Variants in USP6NL observed in about 807,000 individuals in gnomAD.
USP6NL encodes USP6 N-terminal like.
USP6NL carries 26 observed loss-of-function variants against 61.9 expected under a neutral mutation model. The ratio of observed to expected loss-of-function variants is 0.42; its 90% CI spans 0.31 to 0.58. The LOEUF (loss-of-function observed/expected upper bound fraction) is 0.58. Among genes scored for constraint, USP6NL ranks in the 20% least tolerant of loss-of-function variants. USP6NL has a pLI of 0.16. For missense variants in USP6NL, 1,114 were observed against 1,034.3 expected, an observed-to-expected ratio of 1.08 and a Z score of -1.06; for synonymous variants, 432 against 390.1, an observed-to-expected ratio of 1.11 and a Z score of -1.27.
chr10:11,480,729 T>C (rs1159701993), intron 14 of USP6NL, among the ~76,000 whole-genome samples: 1 of 152,232 alleles, frequency 6.6e-6, no homozygotes, highest in Non-Finnish European at 1.5e-5. Context: ...CTTGTCCTTC[T>C]GTACAGACAC....
intron 1 of USP6NL, among the ~76,000 whole-genome samples, chr10:11,606,242 T>C (rs114193462): frequency 0.012 from 1,871 of 152,334 alleles, 39 homozygotes; most frequent in African/African-American, 0.04. Context: ...TCTAGAATTC[T>C]ACATCCAGCA....
rs187655900 is a variant in USP6NL at position 11,526,368 on chromosome 10, T to C, written c.73-900A>G. 3.0e-3 allele frequency among the ~76,000 whole-genome samples: 454 copies of C among 152,252 alleles called. 1 individual carries two copies. The highest frequency in any genetic ancestry group is 0.01 in the African/African-American group (417 of 41,526). ...CTGGGAGCATCCTGTAGGCAAGGGC[T>C]GCTGCCACTCCTGTCTATGAATCCC... On this transcript the variant is annotated intron_variant, in intron 3 of 14. Transcript: ENST00000609104.
rs1423611707 is a variant in USP6NL, at chr10:11,481,632, G to A, written c.1078+138C>T. 9.2e-6 allele frequency: 8 copies of A among 870,798 alleles called. No homozygotes were observed. Among genetic ancestry groups the A allele is most frequent in the Non-Finnish European group, 1.3e-5 (8 of 633,452 alleles). The allele number at this position is 870,798 out of a possible 1,614,324, so 53.9% of individuals were successfully genotyped here. A position where few individuals can be genotyped will look rare whatever the true frequency, so the allele number is the denominator to read the frequency against. ...ATAAGGAAAAAGCCAAAGCAGCTGAGCTGGTAAGGCATTCATCCACATTAT... is the reference window on the plus strand; with the variant it reads ...ATAAGGAAAAAGCCAAAGCAGCTGAACTGGTAAGGCATTCATCCACATTAT... On this transcript the variant is annotated intron_variant, in intron 14 of 14. Coordinates refer to ENST00000609104, the MANE Select transcript of USP6NL (RefSeq NM_014688.5). This position sits in a 1 kb window ranked among gnomAD's most constrained non-coding sequence, Gnocchi z 4.4.
intron 2 of USP6NL, among the ~76,000 whole-genome samples, chr10:11,552,513 C>T (rs1222596221): frequency 6.6e-5 from 10 of 152,178 alleles, no homozygotes. Context: ...TGAAATCCTG[C>T]CTACGGATAG....
chr10:11,509,417 C>A (rs529523594), intron 6 of USP6NL, among the ~76,000 whole-genome samples, 178 bp downstream of exon 6: 8 of 152,300 alleles, frequency 5.3e-5, no homozygotes, highest in African/African-American at 1.9e-4. Flanking sequence ...CAATCCGAAT[C>A]GGGTATTACG....
At chr10:11,541,265 A>G (rs1253467274) in intron 2 of USP6NL, among the ~76,000 whole-genome samples, 12 of 133,326 alleles carry the variant, frequency 9.0e-5, no homozygotes, top group South Asian at 4.9e-4. Context: ...ATATATATAT[A>G]TATATATATA....
rs190613282 is a variant in USP6NL, at chr10:11,562,526, T to C, written c.5-34959A>G. ...AAAAGAGCCGGGTCACTCAAGACAT[T>C]GCTTGGCCACTGTGACTACTCTGAG... On this transcript the variant is annotated intron_variant, in intron 2 of 14. Transcript: ENST00000609104. The surrounding 1 kb of genome is among the most constrained non-coding windows in gnomAD (Gnocchi z 4.8). The C allele has an allele frequency of 1.6e-4, 161 of 985,388 alleles. 1 individual carries two copies. In the African/African-American group the frequency reaches 2.6e-3, roughly 16 times the overall value. The allele number at this position is 985,388 out of a possible 1,614,324, so 61.0% of individuals were successfully genotyped here. A position where few individuals can be genotyped will look rare whatever the true frequency, so the allele number is the denominator to read the frequency against.
At chr10:11,497,236 C>T (rs1591844903) in intron 7 of USP6NL, among the ~76,000 whole-genome samples, 1 of 149,418 alleles carries the variant, frequency 6.7e-6, no homozygotes, top group Admixed American at 6.7e-5. Flanking sequence ...GGTGAAACCC[C>T]GTCTCTACTA....
At position 11,557,715 on chromosome 10, in the gene USP6NL, T is replaced by C. The variant is rs542399049; in HGVS notation, c.5-30148A>G. On this transcript the variant is annotated intron_variant, in intron 2 of 14. Coordinates refer to ENST00000609104, the MANE Select transcript of USP6NL (RefSeq NM_014688.5). ...CGAGTGCATGAGAGCACAGAGACTC[T>C]AGTGCATGAGGAAAGAGGGTGGTGC... is the stretch of plus-strand genomic sequence containing the variant. Among the ~76,000 whole-genome samples the C allele has an allele frequency of 4.1e-4, 63 of 152,238 alleles. 1 individual carries two copies. The South Asian group carries it at 0.011, about 26-fold the overall frequency.
In USP6NL at chr10:11,470,409, C is replaced by T. The variant is rs1832686641; in HGVS notation, c.1079-6560G>A. On this transcript the variant is annotated intron_variant, in intron 14 of 14. Coordinates refer to ENST00000609104, the MANE Select transcript of USP6NL (RefSeq NM_014688.5). This position sits in a 1 kb window ranked among gnomAD's most constrained non-coding sequence, Gnocchi z 5.4. ...ATGAAGAGGAAAATCTCCTTGACTTCATTACAGAGGCGGTTCCTTTCTAGA... is the reference window on the plus strand; with the variant it reads ...ATGAAGAGGAAAATCTCCTTGACTTTATTACAGAGGCGGTTCCTTTCTAGA... Among the ~76,000 whole-genome samples, 1 of 152,214 alleles carries T rather than the reference C, an allele frequency of 6.6e-6. No homozygotes were observed. Among genetic ancestry groups the T allele is most frequent in the Non-Finnish European group, 1.5e-5 (1 of 68,030 alleles).
rs563692696 is a variant in USP6NL, at chr10:11,505,027, T to A, written c.277-3819A>T. Among the ~76,000 whole-genome samples, 4 of 152,316 alleles carry A rather than the reference T, an allele frequency of 2.6e-5. No individual in the cohort carries two copies. The South Asian group carries it at 8.3e-4, about 32-fold the overall frequency. On this transcript the variant is annotated intron_variant, in intron 6 of 14. Coordinates refer to ENST00000609104, the MANE Select transcript of USP6NL (RefSeq NM_014688.5). ...AGAAAAGGGTTAGGGACAAAGTTGCTGGGGTGAGCGCCATGCATCTGCTGT... is the reference window on the plus strand; with the variant it reads ...AGAAAAGGGTTAGGGACAAAGTTGCAGGGGTGAGCGCCATGCATCTGCTGT...
intron 2 of USP6NL, among the ~76,000 whole-genome samples, chr10:11,590,342 A>G (rs1838122300): frequency 6.6e-6 from 1 of 152,220 alleles, no homozygotes; most frequent in South Asian, 2.1e-4. Flanking sequence ...AGATTTCTGT[A>G]CAATGGCACC....
chr10:11,586,815 C>T (rs1375923316), intron 2 of USP6NL, among the ~76,000 whole-genome samples: 4 of 152,178 alleles, frequency 2.6e-5, no homozygotes, highest in Non-Finnish European at 4.4e-5. Context: ...AAAATCTTCT[C>T]TAACCCACCT....
At chr10:11,527,709 T>G (rs1835476530) in intron 2 of USP6NL, 142 bp from the exon 3 acceptor site, 1 of 756,932 alleles carries the variant, frequency 1.3e-6, no homozygotes, top group Admixed American at 2.8e-5. Context: ...AAGGATGAGT[T>G]AAGTATTTGT....
chr10:11,608,838 C>T (rs929862138), intron 1 of USP6NL, among the ~76,000 whole-genome samples: 1 of 152,204 alleles, frequency 6.6e-6, no homozygotes, highest in East Asian at 1.9e-4. Flanking sequence ...GGTGATACGA[C>T]CTGAAACTGG....
Position 11,520,987 on chromosome 10 carries a change from A to G in USP6NL, c.156-2413T>C, listed in dbSNP as rs1358964456. Among the ~76,000 whole-genome samples, 1 of 152,226 alleles carries G rather than the reference A, an allele frequency of 6.6e-6. No individual in the cohort carries two copies. The highest frequency in any genetic ancestry group is 1.5e-5 in the Non-Finnish European group (1 of 68,030). On this transcript the variant is annotated intron_variant, in intron 4 of 14. Transcript: ENST00000609104. This position sits in a 1 kb window ranked among gnomAD's most constrained non-coding sequence, Gnocchi z 5.2. ...CACAGAAATACAGTAAGGGAAAACCATAAGACAGCCATCTCTGGAAAGAGA... is the reference window on the plus strand; with the variant it reads ...CACAGAAATACAGTAAGGGAAAACCGTAAGACAGCCATCTCTGGAAAGAGA...
chr10:11,573,887 G>T (rs1837448029), intron 2 of USP6NL: 1 of 376,890 alleles, frequency 2.7e-6, no homozygotes, highest in South Asian at 1.5e-4. Flanking sequence ...TGAAATGATG[G>T]ATTCAAAGTG....
In USP6NL at chr10:11,575,078, G is replaced by A. The variant is rs1837493691; in HGVS notation, c.4+22553C>T. Among the ~76,000 whole-genome samples, 1 of 152,088 alleles carries A rather than the reference G, an allele frequency of 6.6e-6. No individual in the cohort carries two copies. Among genetic ancestry groups the A allele is most frequent in the Non-Finnish European group, 1.5e-5 (1 of 68,036 alleles). On this transcript the variant is annotated intron_variant, in intron 2 of 14. Coordinates refer to ENST00000609104, the MANE Select transcript of USP6NL (RefSeq NM_014688.5). This position sits in a 1 kb window ranked among gnomAD's most constrained non-coding sequence, Gnocchi z 4.2. ...ATACTTGGAAAGAGAGGACAAAAGAGGACCACTCTCCTAATTCCCTATTAT... is the reference window on the plus strand; with the variant it reads ...ATACTTGGAAAGAGAGGACAAAAGAAGACCACTCTCCTAATTCCCTATTAT...
chr10:11,543,560 A>G (rs1291988174), intron 2 of USP6NL, among the ~76,000 whole-genome samples: 1 of 152,030 alleles, frequency 6.6e-6, no homozygotes, highest in East Asian at 1.9e-4. Context: ...AAAAAGAAAA[A>G]AAGAAAAAAA....
Sources: gnomAD v4.1 joint callset for allele counts (sites outside exome capture counted in the v4.1 genomes callset) on GRCh38, gnomAD v4.1.1 for gene constraint, Gnocchi (gnomAD v3.1) non-coding constraint, MANE v1.5 for transcripts, NCBI Gene and HGNC (gene_info 2026-07-23, HGNC 2026-07-21) for gene names.